HAL: variants seen among roughly 807,000 people sequenced by gnomAD.
HAL encodes the protein histidine ammonia-lyase.
HAL carries 85 observed loss-of-function variants against 81.1 expected under a neutral mutation model. The ratio of observed to expected loss-of-function variants is 1.05; its 90% CI spans 0.88 to 1.25. The LOEUF is 1.25. Ranked by LOEUF, HAL falls within the 50% of genes most tolerant of loss-of-function variation. HAL has a pLI of 0.00. For synonymous variants in HAL, 301 were observed against 309.2 expected (o/e 0.97, Z 0.28); for missense variants, 798 against 836.6 (o/e 0.95, Z 0.57).
At chr12:95,976,767 T>C (rs2080725774) in intron 18 of HAL, 61 bp from the exon 19 acceptor site, 1 of 1,091,594 alleles carries the variant, frequency 9.2e-7, no homozygotes, top group Non-Finnish European at 1.4e-6. Context: ...TTAAGGAATG[T>C]GGATTTCCCA....
chr12:95,974,150 G>T lies in HAL; in HGVS notation c.*82C>A. On this transcript the variant is annotated 3_prime_UTR_variant, in exon 21 of 21. Coordinates refer to ENST00000261208, the MANE Select transcript of HAL (RefSeq NM_002108.4). ...ACAATGGATTGATCTACCTAGGAAA[G>T]TTCTCAGGTCTCTCCTTCAGCCTAG... 8.0e-7 allele frequency: 1 copy of T among 1,243,756 alleles called. No homozygotes were observed. The highest frequency in any genetic ancestry group is 1.2e-5 in the South Asian group (1 of 83,606). The allele number at this position is 1,243,756 out of a possible 1,614,324, so 77.0% of individuals were successfully genotyped here.
chr12:95,992,692 C>A lies in HAL; in HGVS notation c.703G>T (p.Glu235Ter). ...GCCATTGCATTACCATTAAACATTT[C>A]TATGACTTGTTTGAGGGTCTCCAGG... ...ISLETLKQVI[E>*]MFNASCLPYV... The change falls in exon 9 of 21, where the codon GAA becomes TAA. Residue 235 changes from glutamate to a stop codon, truncating the protein, a stop_gained. Coordinates refer to ENST00000261208, the MANE Select transcript of HAL (RefSeq NM_002108.4). LOFTEE classifies it high-confidence loss of function. 1 of 1,612,652 alleles carries A rather than the reference C, an allele frequency of 6.2e-7. No individual in the cohort carries two copies. The highest frequency in any genetic ancestry group is 1.1e-5 in the South Asian group (1 of 91,056).
At chr12:95,984,022 C>T (rs771619392) in intron 14 of HAL, 31 bp from the exon 15 acceptor site, 13 of 1,052,918 alleles carry the variant, frequency 1.2e-5, no homozygotes, top group Non-Finnish European at 1.9e-5. Flanking sequence ...GGTATATGAC[C>T]CATTTGATTA....
intron 2 of HAL, chr12:95,995,350 C>T (rs1565995425): frequency 1.8e-6 from 1 of 561,760 alleles, no homozygotes; most frequent in Non-Finnish European, 3.2e-6. Flanking sequence ...CAAAATGATT[C>T]AGTCACTGCA....
In HAL at chr12:95,995,912, G is replaced by T; in HGVS notation, c.-2C>A. On this transcript the variant is annotated 5_prime_UTR_variant, in exon 2 of 21. Transcript: ENST00000261208. ...TACGTGCACCGTGTATCTGGGCATG[G>T]CTCCGCTGCAGCCTGAGGTCCTCAG... The T allele has an allele frequency of 6.2e-7, 1 of 1,602,912 alleles. No homozygotes were observed.
rs2080721119 is a variant in HAL, at chr12:95,976,510, G to T, written c.1764-12C>A. 1 of 1,613,434 alleles carries T rather than the reference G, an allele frequency of 6.2e-7. No homozygotes were observed. ...CTTTTATCCAGGGCCTACAGGGAGA[G>T]CACATCCGCCCATCAGCCAAACATG... On this transcript the variant is annotated splice_polypyrimidine_tract_variant and intron_variant, in intron 19 of 20. Transcript: ENST00000261208.
rs2080673309 is a variant in HAL at position 95,973,147 on chromosome 12, G to A, written c.*1085C>T. On this transcript the variant is annotated 3_prime_UTR_variant, in exon 21 of 21. Coordinates refer to ENST00000261208, the MANE Select transcript of HAL (RefSeq NM_002108.4). ...TCCTCTCCACCAGCTGTGGTTTTTA[G>A]AGCCACGGTTTCAGACCACTTGAAG... 6.6e-6 allele frequency: 1 copy of A among 152,216 alleles called. No individual in the cohort carries two copies. Among genetic ancestry groups the A allele is most frequent in the Admixed American group, 6.5e-5 (1 of 15,284 alleles). 9.4% of individuals were successfully genotyped at this position (152,216 alleles called of 1,614,324 possible).
chr12:95,977,921 C>T (rs539928836), intron 18 of HAL, 23 bp downstream of exon 18: 2 of 1,613,716 alleles, frequency 1.2e-6, no homozygotes, highest in Non-Finnish European at 1.7e-6. Flanking sequence ...GCAGGCCCGC[C>T]ACCCCGAACT....
chr12:95,990,287 C>T (rs1949952472), intron 10 of HAL, 106 bp downstream of exon 10: 9 of 897,728 alleles, frequency 1.0e-5, no homozygotes, highest in South Asian at 6.6e-5. Context: ...ATAGTAGGAG[C>T]TCCCTCACTG....
chr12:95,973,307 GA>G lies in HAL; in HGVS notation c.*924del. On this transcript the variant is annotated 3_prime_UTR_variant, in exon 21 of 21. Coordinates refer to ENST00000261208, the MANE Select transcript of HAL (RefSeq NM_002108.4). ...CCTGAAGGTCCTTTATCTTCTCGGGGAAAAAAATAGATGCAGTAATACACTC... is the reference window on the plus strand; with the variant it reads ...CCTGAAGGTCCTTTATCTTCTCGGGGAAAAAATAGATGCAGTAATACACTC... The G allele has an allele frequency of 6.6e-6, 1 of 152,096 alleles. No individual in the cohort carries two copies. The highest frequency in any genetic ancestry group is 1.5e-5 in the Non-Finnish European group (1 of 67,970). The allele number at this position is 152,096 out of a possible 1,614,324, so 9.4% of individuals were successfully genotyped here.
At position 95,974,198 on chromosome 12, in the gene HAL, T is replaced by A; in HGVS notation, c.*34A>T. ...TAGTATTGCTTTGTGCTAAACTGACTGCCCTCTCATCTGCTACTTCATGAC... is the reference window on the plus strand; with the variant it reads ...TAGTATTGCTTTGTGCTAAACTGACAGCCCTCTCATCTGCTACTTCATGAC... On this transcript the variant is annotated 3_prime_UTR_variant, in exon 21 of 21. Coordinates refer to ENST00000261208, the MANE Select transcript of HAL (RefSeq NM_002108.4). 6.3e-7 allele frequency: 1 copy of A among 1,599,186 alleles called. No individual in the cohort carries two copies. The highest frequency in any genetic ancestry group is 8.6e-7 in the Non-Finnish European group (1 of 1,166,314).
Position 95,993,873 on chromosome 12 carries a change from A to AG in HAL, c.485-36dup, listed in dbSNP as rs747438620. On this transcript the variant is annotated intron_variant, in intron 6 of 20. Transcript: ENST00000261208. ...AAAGAGACATTATGCAATTAAATGC[A>AG]GGGATTTTTGTTTGTTTATAAAAAT... 1,123 of 1,475,938 alleles carry AG rather than the reference A, an allele frequency of 7.6e-4. 2 individuals carry two copies. The highest frequency in any genetic ancestry group is 9.8e-4 in the Non-Finnish European group (1,034 of 1,054,992). 91.4% of individuals were successfully genotyped at this position (1,475,938 alleles called of 1,614,324 possible). A position where few individuals can be genotyped will look rare whatever the true frequency, so the allele number is the denominator to read the frequency against.
chr12:95,985,029 C>T (rs10859996), intron 14 of HAL, among the ~76,000 whole-genome samples: 49,385 of 152,042 alleles, frequency 0.32, 8,691 homozygotes, highest in South Asian at 0.54. Flanking sequence ...AATACAGATG[C>T]CTAATGCCAA....
Position 95,983,986 on chromosome 12 carries a change from A to G in HAL, c.1212T>C (p.His404=). 1 of 1,536,004 alleles carries G rather than the reference A, an allele frequency of 6.5e-7. No homozygotes were observed. The highest frequency in any genetic ancestry group is 1.1e-5 in the South Asian group (1 of 89,506). ...AYTLRCCPQV[H]GVVNDTIAFV... is the part of the protein sequence containing the mutation. ...ATGCTATTGTATCATTCACCACACCATGGACCTAAAATACAATCAAAATAA... is the reference window on the plus strand; with the variant it reads ...ATGCTATTGTATCATTCACCACACCGTGGACCTAAAATACAATCAAAATAA... The change falls in exon 15 of 21, where the codon CAT becomes CAC. Residue 404 remains histidine (H), a synonymous_variant. Transcript: ENST00000261208.
rs772267203 is a variant in HAL, at chr12:95,978,022, C to T, written c.1576G>A (p.Ala526Thr). 1.7e-5 allele frequency: 27 copies of T among 1,613,294 alleles called. No homozygotes were observed. Among genetic ancestry groups the T allele is most frequent in the Admixed American group, 6.7e-5 (4 of 60,004 alleles). Residue 526 changes from alanine (A) to threonine (T), a missense_variant, in exon 18 of 21, where the codon GCA (alanine) becomes ACA (threonine). Transcript: ENST00000261208. ...PSSVDSLSTS[A>T]ATEDHVSMGG... Reference sequence around the variant, plus strand: ...ATGGAGACGTGGTCCTCCGTGGCTGCGCTGGTGGAGAGGGAGTCAACAGAC... The same window carrying T: ...ATGGAGACGTGGTCCTCCGTGGCTGTGCTGGTGGAGAGGGAGTCAACAGAC...
chr12:95,974,442 T>C, intron 20 of HAL, 70 bp from the exon 21 acceptor site: 1 of 1,393,276 alleles, frequency 7.2e-7, no homozygotes, highest in Non-Finnish European at 1.0e-6. Context: ...AAACATCAAC[T>C]TCATCCGAAG....
chr12:95,974,942 G>A (rs1385462444), intron 20 of HAL, among the ~76,000 whole-genome samples: 4 of 152,158 alleles, frequency 2.6e-5, no homozygotes. Context: ...GTTTCACCAT[G>A]TTGGCCAGGC....
In HAL at chr12:95,994,151, T is replaced by G; in HGVS notation, c.350A>C (p.Asp117Ala). ...ATCCTCCGTGGTCAGACGGTCTCCA[T>G]CTAACTCGATGTACTACACAAAAGA... ...YREPEKYIEL[D>A]GDRLTTEDLV... is the part of the protein sequence containing the mutation. The change falls in exon 5 of 21, where the codon GAT becomes GCT. Residue 117 changes from aspartate to alanine, a missense_variant. Asp to Ala is a moderately radical substitution (Grantham distance 126). Coordinates refer to ENST00000261208, the MANE Select transcript of HAL (RefSeq NM_002108.4). The G allele has an allele frequency of 6.2e-7, 1 of 1,612,084 alleles. No homozygotes were observed.
chr12:95,980,949 G>A (rs1177774837), intron 15 of HAL, 86 bp from the exon 16 acceptor site: 48 of 823,190 alleles, frequency 5.8e-5, no homozygotes, highest in Non-Finnish European at 9.9e-5. Context: ...TAACGTGGAG[G>A]TGGCAGTCTG....
Sources: allele counts gnomAD v4.1 joint callset (sites outside exome capture counted in the v4.1 genomes callset), GRCh38; gene constraint gnomAD v4.1.1; transcripts MANE v1.5; gene names NCBI Gene and HGNC (gene_info 2026-07-23, HGNC 2026-07-21).